CMIP: variants seen among roughly 807,000 people sequenced by gnomAD.
CMIP encodes the protein C-Maf-inducing protein.
A neutral mutation model predicts 97.3 loss-of-function variants in CMIP; 13 were observed. The ratio of observed to expected loss-of-function variants is 0.13; its 90% confidence interval spans 0.09 to 0.21. The LOEUF (loss-of-function observed/expected upper bound fraction) is 0.21. CMIP is among the 10% of genes least tolerant of loss of function. The pLI, the probability that CMIP is intolerant of heterozygous loss-of-function variation, is 1.00. For synonymous variants in CMIP, 538 were observed against 436.3 expected (o/e 1.23, Z -2.91); for missense variants, 847 against 1,024.9 (o/e 0.83, Z 2.37).
intron 3 of CMIP, among the ~76,000 whole-genome samples, chr16:81,632,635 A>G (rs531510549): frequency 6.6e-6 from 1 of 152,356 alleles, no homozygotes; most frequent in East Asian, 1.9e-4. Context: ...GGCCAGAGGC[A>G]GTACAAGGCG....
chr16:81,452,891 T>G lies in CMIP; in HGVS notation c.300+7350T>G, dbSNP rs1327669221. ...TTTGTTTTTTTTTTGTTTTGTTTTT[T>G]TTTTTTTTTTTTTGCAAACCTGGCT... is the stretch of plus-strand genomic sequence containing the variant. On this transcript the variant is annotated intron_variant, in intron 1 of 20. Transcript: ENST00000537098. Among the ~76,000 whole-genome samples, 43 of 146,714 alleles carry G rather than the reference T, an allele frequency of 2.9e-4. 1 individual carries two copies. The highest frequency in any genetic ancestry group is 4.1e-4 in the African/African-American group (16 of 39,338).
chr16:81,582,892 G>C (rs933407888), intron 1 of CMIP, among the ~76,000 whole-genome samples: 1 of 152,160 alleles, frequency 6.6e-6, no homozygotes, highest in Non-Finnish European at 1.5e-5. Flanking sequence ...CACGGCAGTT[G>C]GGGGACACCA....
chr16:81,686,461 C>T (rs1176021306), intron 10 of CMIP, among the ~76,000 whole-genome samples: 2 of 152,214 alleles, frequency 1.3e-5, no homozygotes, highest in South Asian at 2.1e-4. Flanking sequence ...GCCTCCCAGG[C>T]GTGGAGTTCA....
chr16:81,535,467 T>C (rs978095891), intron 1 of CMIP, among the ~76,000 whole-genome samples: 1 of 40,704 alleles, frequency 2.5e-5, no homozygotes, highest in Non-Finnish European at 8.7e-5. Context: ...ACTGGAATGC[T>C]TTTTTTTTTT....
chr16:81,635,754 C>G (rs564015454), intron 3 of CMIP, among the ~76,000 whole-genome samples: 1 of 152,080 alleles, frequency 6.6e-6, no homozygotes, highest in Non-Finnish European at 1.5e-5. Flanking sequence ...AAGGAGTTTT[C>G]AGGGTGGCGG....
intron 13 of CMIP, among the ~76,000 whole-genome samples, chr16:81,694,814 C>T (rs749056687): frequency 7.9e-5 from 12 of 152,174 alleles, no homozygotes; most frequent in Admixed American, 3.9e-4. Flanking sequence ...GACTCTAGTT[C>T]CAAAACACCG....
chr16:81,656,141 G>T (rs1005334395), intron 4 of CMIP, among the ~76,000 whole-genome samples: 3 of 152,236 alleles, frequency 2.0e-5, no homozygotes, highest in Non-Finnish European at 4.4e-5. Flanking sequence ...ACCTAGGTCA[G>T]GACGTCTCAT....
chr16:81,461,403 G>A (rs1906888745), intron 1 of CMIP, among the ~76,000 whole-genome samples: 1 of 152,192 alleles, frequency 6.6e-6, no homozygotes, highest in African/African-American at 2.4e-5. Flanking sequence ...GCAAATAAGT[G>A]ACACATGTGC....
chr16:81,472,773 G>A (rs1480156512), intron 1 of CMIP, among the ~76,000 whole-genome samples: 1 of 152,220 alleles, frequency 6.6e-6, no homozygotes, highest in Admixed American at 6.5e-5. Context: ...GGGATGGTGA[G>A]TGCAGAGGCC....
chr16:81,590,226 A>G (rs1166440231), intron 1 of CMIP, among the ~76,000 whole-genome samples: 1 of 152,004 alleles, frequency 6.6e-6, no homozygotes, highest in South Asian at 2.1e-4. Flanking sequence ...CATCCCTCCC[A>G]TTCTTTTCCT....
chr16:81,647,605 C>A (rs1243573565), intron 3 of CMIP, among the ~76,000 whole-genome samples: 1 of 152,126 alleles, frequency 6.6e-6, no homozygotes, highest in East Asian at 1.9e-4. Context: ...GGCCACCCAC[C>A]CCACCTGGCA....
rs1041794307 is a variant in CMIP, at chr16:81,453,621, G to C, written c.300+8080G>C. Among the ~76,000 whole-genome samples, 1 of 152,238 alleles carries C rather than the reference G, an allele frequency of 6.6e-6. No individual in the cohort carries two copies. The highest frequency in any genetic ancestry group is 2.4e-5 in the African/African-American group (1 of 41,460). On this transcript the variant is annotated intron_variant, in intron 1 of 20. Coordinates refer to ENST00000537098, the MANE Select transcript of CMIP (RefSeq NM_198390.3). The surrounding 1 kb of genome is among the most constrained non-coding windows in gnomAD (Gnocchi z 4.0). ...ACCGGTGCGAGGCTCTGCAGGGAAG[G>C]AGAGCCACGGGTATGGAAGGGGCTG...
intron 10 of CMIP, among the ~76,000 whole-genome samples, chr16:81,682,132 G>A (rs1167134863): frequency 6.6e-6 from 1 of 152,062 alleles, no homozygotes; most frequent in Non-Finnish European, 1.5e-5. Flanking sequence ...GAACCCCGGG[G>A]GGCGGAGGTT....
intron 7 of CMIP, 87 bp downstream of exon 7, chr16:81,664,436 T>A: frequency 7.6e-7 from 1 of 1,320,942 alleles, no homozygotes; most frequent in South Asian, 1.3e-5. Context: ...TTGGCACAGA[T>A]TTGGGGAATG....
intron 1 of CMIP, among the ~76,000 whole-genome samples, chr16:81,605,725 A>G (rs1474219102): frequency 6.6e-6 from 1 of 152,000 alleles, no homozygotes; most frequent in African/African-American, 2.4e-5. Context: ...CTGTCATGAC[A>G]CCCCATTGTG....
intron 7 of CMIP, chr16:81,667,334 G>A (rs1048456146): frequency 6.6e-6 from 1 of 152,234 alleles, no homozygotes; most frequent in African/African-American, 2.4e-5. Context: ...TCGCCAAACT[G>A]CGTTCTGAAG....
chr16:81,596,764 A>G (rs2091564587), intron 1 of CMIP, among the ~76,000 whole-genome samples: 1 of 152,108 alleles, frequency 6.6e-6, no homozygotes, highest in African/African-American at 2.4e-5. Context: ...AGTAGTGACC[A>G]TTCAACATCC....
chr16:81,645,493 G>T, intron 3 of CMIP: 3 of 1,534,922 alleles, frequency 2.0e-6, no homozygotes, highest in Non-Finnish European at 2.6e-6. Context: ...CTGACGACTT[G>T]TCTCCCGTGG....
chr16:81,672,664 C>A (rs2092693543), intron 9 of CMIP, among the ~76,000 whole-genome samples: 1 of 152,206 alleles, frequency 6.6e-6, no homozygotes, highest in Non-Finnish European at 1.5e-5. Flanking sequence ...CAGCCTCAAA[C>A]TCCTGGGCTC....
Sources: gnomAD v4.1 joint callset for allele counts (sites outside exome capture counted in the v4.1 genomes callset) on GRCh38, gnomAD v4.1.1 for gene constraint, Gnocchi (gnomAD v3.1) non-coding constraint, MANE v1.5 for transcripts, NCBI Gene and HGNC (gene_info 2026-07-23, HGNC 2026-07-21) for gene names.